Variants in SRGAP1 observed in about 807,000 individuals in gnomAD.
SRGAP1 encodes SLIT-ROBO Rho GTPase activating protein 1.
SRGAP1 carries 43 observed loss-of-function variants against 121.9 expected under a neutral mutation model. The ratio of observed to expected loss-of-function variants is 0.35; its 90% CI spans 0.28 to 0.46. The LOEUF (loss-of-function observed/expected upper bound fraction) is 0.46. SRGAP1 is among the 20% of genes least tolerant of loss of function. The probability of loss-of-function intolerance (pLI) is 1.00; values close to 1 mark genes in which losing one functional copy is unlikely to be tolerated. For synonymous variants in SRGAP1, 447 were observed against 485.4 expected, an observed-to-expected ratio of 0.92 and a Z score of 1.04; for missense variants, 1,102 against 1,350.9, an observed-to-expected ratio of 0.82 and a Z score of 2.89.
chr12:64,130,760 T>C (rs575727981), intron 21 of SRGAP1, among the ~76,000 whole-genome samples: 1 of 152,362 alleles, frequency 6.6e-6, no homozygotes, highest in Admixed American at 6.5e-5. Context: ...CTGTGTGGAA[T>C]ACCATCATGG....
rs1487881409 is a variant in SRGAP1, at chr12:64,146,492, CTT to C, written c.*3822_*3823del. 1 of 152,072 alleles carries C rather than the reference CTT, an allele frequency of 6.6e-6. No individual in the cohort carries two copies. The highest frequency in any genetic ancestry group is 1.5e-5 in the Non-Finnish European group (1 of 68,022). The allele number at this position is 152,072 out of a possible 1,614,324, so 9.4% of individuals were successfully genotyped here. A position where few individuals can be genotyped will look rare whatever the true frequency, so the allele number is the denominator to read the frequency against. ...CTCTGGAGTCTACAAACTGAAGAAA[CTT>C]TCATCTGATCAGCCTTGGAAATCCA... On this transcript the variant is annotated 3_prime_UTR_variant, in exon 22 of 22. Coordinates refer to ENST00000355086, the MANE Select transcript of SRGAP1 (RefSeq NM_020762.4).
In SRGAP1 at chr12:64,080,215, C is replaced by T; in HGVS notation, c.1324-71C>T. On this transcript the variant is annotated intron_variant, in intron 9 of 21. Coordinates refer to ENST00000355086, the MANE Select transcript of SRGAP1 (RefSeq NM_020762.4). ...CCAAGATCGCGCCACTGCACTCCAGCCTGGGTGACAAGAATGAAACTCTGT... is the reference window on the plus strand; with the variant it reads ...CCAAGATCGCGCCACTGCACTCCAGTCTGGGTGACAAGAATGAAACTCTGT... 2.2e-6 allele frequency: 3 copies of T among 1,346,256 alleles called. No individual in the cohort carries two copies. The South Asian group carries it at 4.3e-5, about 19-fold the overall frequency. 83.4% of individuals were successfully genotyped at this position (1,346,256 alleles called of 1,614,324 possible). A position where few individuals can be genotyped will look rare whatever the true frequency, so the allele number is the denominator to read the frequency against.
At chr12:63,899,312 G>A (rs1459588476) in intron 1 of SRGAP1, among the ~76,000 whole-genome samples, 4 of 152,014 alleles carry the variant, frequency 2.6e-5, no homozygotes, top group Admixed American at 1.3e-4. Flanking sequence ...ACTCCTGCCT[G>A]GGTGACAGAG....
intron 21 of SRGAP1, among the ~76,000 whole-genome samples, chr12:64,134,754 C>G (rs1278373560): frequency 6.6e-6 from 1 of 152,202 alleles, no homozygotes; most frequent in African/African-American, 2.4e-5. Context: ...TCAGCCTGAT[C>G]TGACTCTATG....
chr12:63,902,583 C>T (rs78208880), intron 1 of SRGAP1, among the ~76,000 whole-genome samples: 107 of 152,272 alleles, frequency 7.0e-4, no homozygotes, highest in African/African-American at 2.4e-3. Context: ...AAATGATGGA[C>T]TAGATTTGGT....
At chr12:64,075,072 C>T (rs1296321754) in intron 8 of SRGAP1, among the ~76,000 whole-genome samples, 3 of 152,008 alleles carry the variant, frequency 2.0e-5, no homozygotes, top group South Asian at 2.1e-4. Context: ...TAAAGACACA[C>T]GCACAGAAAT....
rs553687250 is a variant in SRGAP1, at chr12:64,083,994, A to T, written c.1409-3005A>T. Among the ~76,000 whole-genome samples, 7 of 152,334 alleles carry T rather than the reference A, an allele frequency of 4.6e-5. No individual in the cohort carries two copies. The South Asian group carries it at 8.3e-4, about 18-fold the overall frequency. On this transcript the variant is annotated intron_variant, in intron 10 of 21. Transcript: ENST00000355086. ...AGTAATTATGGTTTTTTAGAAAAGC[A>T]CTGCAGTAGTTGGTATTCTTAAGGA...
At chr12:63,922,232 G>C (rs924888685) in intron 1 of SRGAP1, among the ~76,000 whole-genome samples, 2 of 152,070 alleles carry the variant, frequency 1.3e-5, no homozygotes, top group African/African-American at 4.8e-5. Context: ...ACCCACCTCA[G>C]CCTCCCAAAC....
chr12:63,858,600 T>C (rs1482933012), intron 1 of SRGAP1, among the ~76,000 whole-genome samples: 1 of 152,212 alleles, frequency 6.6e-6, no homozygotes, highest in Non-Finnish European at 1.5e-5. Context: ...GTCTAATTAG[T>C]TTCCTTGTAT....
At chr12:64,091,889 C>G (rs1275964276) in intron 12 of SRGAP1, 1 of 1,535,522 alleles carries the variant, frequency 6.5e-7, no homozygotes, top group Non-Finnish European at 8.7e-7. Flanking sequence ...GATAATGCTT[C>G]TAGCCGAGGA....
chr12:63,974,238 A>G (rs556695735), intron 1 of SRGAP1, among the ~76,000 whole-genome samples: 9 of 152,314 alleles, frequency 5.9e-5, no homozygotes, highest in African/African-American at 2.2e-4. Flanking sequence ...TTCATATGAA[A>G]AAAAAAGTGC....
chr12:64,023,056 C>G (rs1272613852), intron 4 of SRGAP1, among the ~76,000 whole-genome samples: 1 of 152,026 alleles, frequency 6.6e-6, no homozygotes, highest in African/African-American at 2.4e-5. Context: ...CATCATCGCC[C>G]TCTTTATCAG....
At chr12:63,996,158 AAAG>A (rs1284522493) in intron 3 of SRGAP1, among the ~76,000 whole-genome samples, 1 of 152,032 alleles carries the variant, frequency 6.6e-6, no homozygotes, top group African/African-American at 2.4e-5. Context: ...ATAAATATAA[AAAG>A]AAATAATAAT....
intron 3 of SRGAP1, among the ~76,000 whole-genome samples, chr12:64,004,605 C>T (rs544337539): frequency 1.2e-3 from 189 of 152,218 alleles, no homozygotes; most frequent in Non-Finnish European, 2.1e-3. Flanking sequence ...CTCCTGACCT[C>T]GTGATCTGCC....
intron 6 of SRGAP1, among the ~76,000 whole-genome samples, chr12:64,049,490 T>C (rs1393047237): frequency 1.3e-5 from 2 of 152,156 alleles, no homozygotes; most frequent in African/African-American, 4.8e-5. Context: ...AACCATCAGA[T>C]CTTGTGAGAA....
At chr12:64,046,547 T>C (rs2035134065) in intron 6 of SRGAP1, among the ~76,000 whole-genome samples, 2 of 152,124 alleles carry the variant, frequency 1.3e-5, no homozygotes, top group South Asian at 4.1e-4. Context: ...CACAGGAATT[T>C]GCTGCCATGT....
chr12:64,042,703 G>A (rs2136505682), intron 4 of SRGAP1, 87 bp from the exon 5 acceptor site: 2 of 1,020,400 alleles, frequency 2.0e-6, no homozygotes, highest in Admixed American at 2.1e-5. Flanking sequence ...GGTGGTATGT[G>A]TATCATATAC....
chr12:63,972,752 C>T (rs765477710), intron 1 of SRGAP1, among the ~76,000 whole-genome samples: 10 of 152,140 alleles, frequency 6.6e-5, no homozygotes, highest in Non-Finnish European at 1.5e-4. Flanking sequence ...TACATAGTTT[C>T]CTAGAAAGTC....
chr12:63,970,577 A>C (rs1186867041), intron 1 of SRGAP1, among the ~76,000 whole-genome samples: 1 of 152,192 alleles, frequency 6.6e-6, no homozygotes, highest in Non-Finnish European at 1.5e-5. Flanking sequence ...CCATAAAACA[A>C]ATAAGAAAAG....
Sources: allele counts gnomAD v4.1 joint callset (sites outside exome capture counted in the v4.1 genomes callset), GRCh38; gene constraint gnomAD v4.1.1; transcripts MANE v1.5; gene names NCBI Gene and HGNC (gene_info 2026-07-23, HGNC 2026-07-21).